GRIK3: variants seen among roughly 807,000 people sequenced by gnomAD.
GRIK3 encodes the protein glutamate ionotropic receptor kainate type subunit 3.
In GRIK3, 29 loss-of-function variants were observed where a neutral mutation model predicts 102.5. That is an observed-to-expected ratio of 0.28 (90% CI 0.21 to 0.39). The LOEUF is 0.39. Among genes scored for constraint, GRIK3 ranks in the 10% least tolerant of loss-of-function variants. GRIK3 has a pLI of 1.00. For missense variants in GRIK3, 908 were observed against 1,252.4 expected (o/e 0.73, Z 4.15); for synonymous variants, 511 against 504.9 (o/e 1.01, Z -0.16).
In GRIK3 at chr1:36,872,056, C is replaced by T. The variant is rs1175704169; in HGVS notation, c.732+132G>A. 4 of 827,360 alleles carry T rather than the reference C, an allele frequency of 4.8e-6. No homozygotes were observed. Among genetic ancestry groups the T allele is most frequent in the Non-Finnish European group, 5.5e-6 (3 of 546,926 alleles). The allele number at this position is 827,360 out of a possible 1,614,324, so 51.3% of individuals were successfully genotyped here. On this transcript the variant is annotated intron_variant, in intron 4 of 15. Coordinates refer to ENST00000373091, the MANE Select transcript of GRIK3 (RefSeq NM_000831.4). This position sits in a 1 kb window ranked among gnomAD's most constrained non-coding sequence, Gnocchi z 5.9. ...CAGAGAGGCAAACCACCCAAGGTCA[C>T]ACAGCAGGAAAGTGGCAGAGCTAGG...
chr1:37,027,281 A>C (rs1557468716), intron 1 of GRIK3, among the ~76,000 whole-genome samples: 1 of 152,194 alleles, frequency 6.6e-6, no homozygotes, highest in Non-Finnish European at 1.5e-5. Flanking sequence ...GGCTATGAGA[A>C]ACAAAAGAAA....
chr1:36,882,846 G>A (rs1038265295), intron 2 of GRIK3, among the ~76,000 whole-genome samples: 3 of 152,060 alleles, frequency 2.0e-5, no homozygotes, highest in Admixed American at 6.5e-5. Context: ...CGCCCACCAG[G>A]CAAAACCCTG....
chr1:37,015,082 T>C (rs774543897), intron 1 of GRIK3, among the ~76,000 whole-genome samples: 11 of 152,110 alleles, frequency 7.2e-5, no homozygotes, highest in Non-Finnish European at 8.8e-5. Context: ...CCTGGTCCCA[T>C]CTCTGCATCA....
intron 1 of GRIK3, among the ~76,000 whole-genome samples, chr1:36,916,633 C>T (rs189039936): frequency 3.3e-5 from 5 of 152,254 alleles, no homozygotes; most frequent in East Asian, 3.9e-4. Context: ...AGTTACACCT[C>T]GGGCTGTTGC....
intron 1 of GRIK3, among the ~76,000 whole-genome samples, chr1:36,912,617 C>T (rs899993890): frequency 6.6e-6 from 1 of 152,096 alleles, no homozygotes; most frequent in Non-Finnish European, 1.5e-5. Flanking sequence ...AAGAGCTTTC[C>T]TGAGCTCCCT....
chr1:36,834,730 C>G (rs188275382), intron 10 of GRIK3, among the ~76,000 whole-genome samples: 76 of 152,296 alleles, frequency 5.0e-4, no homozygotes, highest in Non-Finnish European at 1.0e-3. Context: ...ATCGCCATCT[C>G]CAAAAGAATC....
chr1:36,955,329 A>T (rs906601411), intron 1 of GRIK3, among the ~76,000 whole-genome samples: 3 of 152,058 alleles, frequency 2.0e-5, no homozygotes, highest in Non-Finnish European at 4.4e-5. Context: ...ACCCAACACC[A>T]CCCAAACTGT....
intron 2 of GRIK3, among the ~76,000 whole-genome samples, chr1:36,890,085 A>T (rs935243999): frequency 1.3e-5 from 2 of 152,126 alleles, no homozygotes; most frequent in Admixed American, 1.3e-4. Context: ...CGGGTGAAGG[A>T]TCACTCTTCG....
In GRIK3 at chr1:36,875,851, C is replaced by G. The variant is rs950974577; in HGVS notation, c.551-3482G>C. 3.3e-5 allele frequency among the ~76,000 whole-genome samples: 5 copies of G among 152,236 alleles called. No individual in the cohort carries two copies. The East Asian group carries it at 9.6e-4, about 29-fold the overall frequency. ...ACAGCATTATTATAGAAAGAGATAA[C>G]AACTGCACTCCCTTCCAGCATTCTA... On this transcript the variant is annotated intron_variant, in intron 3 of 15. Transcript: ENST00000373091.
At chr1:37,012,262 T>G (rs1642604606) in intron 1 of GRIK3, among the ~76,000 whole-genome samples, 1 of 152,256 alleles carries the variant, frequency 6.6e-6, no homozygotes, top group Non-Finnish European at 1.5e-5. Flanking sequence ...AACCATGTGT[T>G]GGATGCGAGA....
rs1642386421 is a variant in GRIK3, at chr1:36,797,895, T to C, written c.*3956A>G. The C allele has an allele frequency of 6.6e-6, 1 of 152,358 alleles. No homozygotes were observed. Among genetic ancestry groups the C allele is most frequent in the African/African-American group, 2.4e-5 (1 of 41,452 alleles). 9.4% of individuals were successfully genotyped at this position (152,358 alleles called of 1,614,324 possible). ...GTGGAGGGGAGCAACTTCTAACCTG[T>C]TTGGCCCTTTACCCTGGCCTGGGCC... On this transcript the variant is annotated 3_prime_UTR_variant, in exon 16 of 16. Coordinates refer to ENST00000373091, the MANE Select transcript of GRIK3 (RefSeq NM_000831.4).
intron 13 of GRIK3, among the ~76,000 whole-genome samples, chr1:36,816,338 TG>T (rs1642628088): frequency 6.6e-6 from 1 of 152,192 alleles, no homozygotes; most frequent in Admixed American, 6.5e-5. Context: ...CAGTAGCTAC[TG>T]CTATTACTAC....
chr1:37,028,626 C>T (rs1642788970), intron 1 of GRIK3, among the ~76,000 whole-genome samples: 3 of 152,212 alleles, frequency 2.0e-5, no homozygotes, highest in African/African-American at 7.2e-5. Flanking sequence ...AGACCTCACT[C>T]AGCAACCAGA....
chr1:36,873,898 A>G (rs2124255753), intron 3 of GRIK3, among the ~76,000 whole-genome samples: 1 of 152,338 alleles, frequency 6.6e-6, no homozygotes, highest in East Asian at 1.9e-4. Flanking sequence ...TTGTAAGTCC[A>G]GGGTCCCCAC....
At chr1:36,928,796 A>G (rs548889309) in intron 1 of GRIK3, among the ~76,000 whole-genome samples, 77 of 152,304 alleles carry the variant, frequency 5.1e-4, no homozygotes, top group Non-Finnish European at 6.9e-4. Flanking sequence ...TTTGTCCCCA[A>G]TTATGCAGTA....
intron 1 of GRIK3, among the ~76,000 whole-genome samples, chr1:36,941,016 C>T (rs1369876637): frequency 6.6e-6 from 1 of 152,216 alleles, no homozygotes; most frequent in Admixed American, 6.5e-5. Flanking sequence ...GGGTTCCTGG[C>T]CTATTAGACC....
intron 1 of GRIK3, among the ~76,000 whole-genome samples, chr1:36,958,333 G>A (rs1287063930): frequency 1.2e-5 from 1 of 86,736 alleles, no homozygotes; most frequent in Non-Finnish European, 2.1e-5. Context: ...TGTGCCCCAT[G>A]AGCCTGTGTG....
chr1:36,991,135 T>C (rs980151788), intron 1 of GRIK3, among the ~76,000 whole-genome samples: 7 of 152,090 alleles, frequency 4.6e-5, no homozygotes, highest in Admixed American at 2.0e-4. Flanking sequence ...TCACTTCACC[T>C]CTCTGAGCCT....
intron 10 of GRIK3, among the ~76,000 whole-genome samples, chr1:36,828,958 C>A (rs958316771): frequency 6.6e-6 from 1 of 152,190 alleles, no homozygotes; most frequent in Admixed American, 6.5e-5. Context: ...TTGAAACCTC[C>A]CTGCCATTCT....
Sources: allele counts gnomAD v4.1 joint callset (sites outside exome capture counted in the v4.1 genomes callset), GRCh38; gene constraint gnomAD v4.1.1; non-coding constraint Gnocchi (gnomAD v3.1); transcripts MANE v1.5; gene names NCBI Gene and HGNC (gene_info 2026-07-23, HGNC 2026-07-21).